Variants in PCNX2 observed in about 807,000 individuals in gnomAD.
PCNX2 encodes pecanex 2, also known as pecanex-like protein 2.
In PCNX2, 168 loss-of-function variants were observed where a neutral mutation model predicts 223.8. That is an observed-to-expected ratio of 0.75 (90% confidence interval 0.66 to 0.85). The LOEUF is 0.85. PCNX2 is among the 40% of genes least tolerant of loss of function. The probability of loss-of-function intolerance (pLI) is 0.00; values close to 1 mark genes in which losing one functional copy is unlikely to be tolerated. For synonymous variants in PCNX2, 1,006 were observed against 1,052.6 expected, an observed-to-expected ratio of 0.96 and a Z score of 0.86; for missense variants, 2,507 against 2,675.5, an observed-to-expected ratio of 0.94 and a Z score of 1.39.
At chr1:233,230,115 A>G (rs564237652) in intron 9 of PCNX2, among the ~76,000 whole-genome samples, 2 of 152,344 alleles carry the variant, frequency 1.3e-5, no homozygotes, top group South Asian at 4.1e-4. Context: ...GAGAGTTTCT[A>G]CCTTACAGGG....
At chr1:233,094,229 TTAATC>T (rs1674031810) in intron 22 of PCNX2, among the ~76,000 whole-genome samples, 1 of 152,226 alleles carries the variant, frequency 6.6e-6, no homozygotes, top group South Asian at 2.1e-4. Context: ...CAAATTTGCA[TTAATC>T]TAATCATTTT....
At chr1:233,131,406 GCAGAATGAAAAGGAGCTAT>G (rs1448930820) in intron 21 of PCNX2, among the ~76,000 whole-genome samples, 1 of 151,962 alleles carries the variant, frequency 6.6e-6, no homozygotes, top group East Asian at 1.9e-4. Context: ...ATTAAAATGA[GCAGAATGAAAAGGAGCTAT>G]CAATTAGGAC....
chr1:233,107,392 AAAC>A (rs1429855938), intron 21 of PCNX2, among the ~76,000 whole-genome samples: 5 of 100,968 alleles, frequency 5.0e-5, no homozygotes, highest in African/African-American at 1.2e-4. Context: ...TGACTCGAAA[AAAC>A]AAACAAACAA....
chr1:233,217,709 A>ACACCATG (rs1450940904), intron 12 of PCNX2, among the ~76,000 whole-genome samples, 190 bp downstream of exon 12: 1 of 152,040 alleles, frequency 6.6e-6, no homozygotes, highest in Non-Finnish European at 1.5e-5. Flanking sequence ...CATACCACCC[A>ACACCATG]CACCATGCTC....
chr1:233,226,168 T>G (rs1427235192), intron 10 of PCNX2, among the ~76,000 whole-genome samples: 10 of 152,224 alleles, frequency 6.6e-5, no homozygotes, highest in Non-Finnish European at 1.2e-4. Flanking sequence ...TCAGTGCTAC[T>G]CAGCCCCTGA....
intron 1 of PCNX2, among the ~76,000 whole-genome samples, chr1:233,265,746 T>C (rs1660300246): frequency 6.6e-6 from 1 of 152,132 alleles, no homozygotes; most frequent in African/African-American, 2.4e-5. Flanking sequence ...GAATCTTCCA[T>C]TCAAATTAGA....
At chr1:233,326,255 A>T in the PCNX2 span, among the ~76,000 whole-genome samples, 1 of 152,236 alleles carries the variant, frequency 6.6e-6, no homozygotes, top group Non-Finnish European at 1.5e-5. Flanking sequence ...GTGATCTGGA[A>T]CCATGCTTGC....
At chr1:232,999,455 T>TC (rs1297633096) in intron 30 of PCNX2, 76 bp from the exon 31 acceptor site, 59 of 980,724 alleles carry the variant, frequency 6.0e-5, no homozygotes, top group Non-Finnish European at 7.5e-5. Context: ...TCTTTTTCTT[T>TC]TTTTTTTTTT....
chr1:233,013,728 G>A (rs1302020027), intron 28 of PCNX2, among the ~76,000 whole-genome samples: 1 of 152,122 alleles, frequency 6.6e-6, no homozygotes, highest in African/African-American at 2.4e-5. Flanking sequence ...TCTTCTCTAA[G>A]CTCCCTAGGT....
intron 1 of PCNX2, among the ~76,000 whole-genome samples, chr1:233,285,478 A>T (rs999466564): frequency 1.3e-5 from 2 of 152,066 alleles, no homozygotes; most frequent in African/African-American, 4.8e-5. Flanking sequence ...GTTCGAGACC[A>T]GCCTGGCCAA....
chr1:233,041,375 G>A (rs972196519), intron 25 of PCNX2, among the ~76,000 whole-genome samples: 6 of 152,178 alleles, frequency 3.9e-5, no homozygotes, highest in African/African-American at 1.4e-4. Context: ...GCACTGATGT[G>A]ATGCCGCAAG....
At chr1:233,051,886 A>G (rs2102872663) in intron 25 of PCNX2, among the ~76,000 whole-genome samples, 1 of 152,308 alleles carries the variant, frequency 6.6e-6, no homozygotes, top group Admixed American at 6.5e-5. Context: ...ACTAAAATAA[A>G]AGAACTTTTA....
chr1:233,148,583 G>A (rs1168019160), intron 19 of PCNX2, among the ~76,000 whole-genome samples: 1 of 151,982 alleles, frequency 6.6e-6, no homozygotes, highest in African/African-American at 2.4e-5. Flanking sequence ...TGTATTTTTA[G>A]GAGAGATGGT....
chr1:233,027,148 T>C (rs935179180), intron 25 of PCNX2, among the ~76,000 whole-genome samples: 9 of 151,270 alleles, frequency 5.9e-5, no homozygotes, highest in Non-Finnish European at 1.0e-4. Context: ...GAAAAAAGAG[T>C]TTAAAGGAAG....
At chr1:233,019,057 C>A in intron 26 of PCNX2, 1 of 985,356 alleles carries the variant, frequency 1.0e-6, no homozygotes, top group Non-Finnish European at 1.2e-6. Context: ...AGCTCAAGGC[C>A]TCAAGTTTAC....
At chr1:233,288,770 T>G in intron 1 of PCNX2, 1 of 643,292 alleles carries the variant, frequency 1.6e-6, no homozygotes, top group East Asian at 2.7e-5. Flanking sequence ...GAGTCTGTAG[T>G]TCTTTTGGAG....
the PCNX2 span, among the ~76,000 whole-genome samples, chr1:233,324,221 A>G: frequency 1.3e-5 from 2 of 152,226 alleles, no homozygotes; most frequent in Non-Finnish European, 2.9e-5. Flanking sequence ...TCTCAACGTA[A>G]AAGTGCACGG....
intron 21 of PCNX2, among the ~76,000 whole-genome samples, chr1:233,114,444 C>T (rs1675291977): frequency 6.6e-6 from 1 of 152,132 alleles, no homozygotes; most frequent in Admixed American, 6.6e-5. Flanking sequence ...GGTGCTGGGC[C>T]AGTGTCATGG....
At position 233,000,458 on chromosome 1, in the gene PCNX2, C is replaced by A; in HGVS notation, c.5175G>T (p.Val1725=). 1 of 1,597,188 alleles carries A rather than the reference C, an allele frequency of 6.3e-7. No homozygotes were observed. Residue 1725 remains valine, a synonymous_variant, in exon 30 of 34, where the codon GTG becomes GTT. Coordinates refer to ENST00000258229, the MANE Select transcript of PCNX2 (RefSeq NM_014801.4). This position sits in a 1 kb window ranked among gnomAD's most constrained non-coding sequence, Gnocchi z 4.6. The part of the protein sequence containing the change: ...YEAIQSFEKK[V]VICHEGDPAW... ...CCGGGTCGCCCTCGTGGCAGATGAC[C>A]ACCTTCTTCTCGAAGGACTGGATGG... is the stretch of plus-strand genomic sequence containing the variant.
Sources: gnomAD v4.1 joint callset for allele counts (sites outside exome capture counted in the v4.1 genomes callset) on GRCh38, gnomAD v4.1.1 for gene constraint, Gnocchi (gnomAD v3.1) non-coding constraint, MANE v1.5 for transcripts, NCBI Gene and HGNC (gene_info 2026-07-23, HGNC 2026-07-21) for gene names.